The following PROX1 variants were observed in gnomAD, a reference collection of about 807,000 sequenced individuals.
The protein encoded by PROX1 is prospero homeobox protein 1.
In PROX1, 7 loss-of-function variants were observed where a neutral mutation model predicts 58.8. That is an observed-to-expected ratio of 0.12 (90% confidence interval 0.07 to 0.22). PROX1 has a LOEUF of 0.22. Ranked by LOEUF, PROX1 falls within the 10% of genes least tolerant of loss-of-function variation. PROX1 has a pLI of 1.00. For missense variants in PROX1, 675 were observed against 927.8 expected, an observed-to-expected ratio of 0.73 and a Z score of 3.54; for synonymous variants, 350 against 358.3, an observed-to-expected ratio of 0.98 and a Z score of 0.26.
intron 4 of PROX1, among the ~76,000 whole-genome samples, chr1:214,019,245 C>T (rs1664199119): frequency 6.6e-6 from 1 of 152,066 alleles, no homozygotes. Context: ...CCCCCCACCC[C>T]AAAACAGGCT....
intron 4 of PROX1, among the ~76,000 whole-genome samples, chr1:214,017,705 A>T (rs542622830): frequency 5.0e-4 from 76 of 152,114 alleles, no homozygotes; most frequent in African/African-American, 1.8e-3. Flanking sequence ...CAAATGATCT[A>T]TTGGCTCTCT....
At chr1:214,007,204 T>C (rs1558176675) in intron 3 of PROX1, among the ~76,000 whole-genome samples, 1 of 152,242 alleles carries the variant, frequency 6.6e-6, no homozygotes. Context: ...AAATAACCAC[T>C]GACTCTGTGT....
At chr1:213,993,279 A>G (rs1352995373) in intron 1 of PROX1, among the ~76,000 whole-genome samples, 1 of 152,198 alleles carries the variant, frequency 6.6e-6, no homozygotes, top group East Asian at 1.9e-4. Flanking sequence ...GCTGATTTGG[A>G]CATCCACCAG....
chr1:214,002,387 ATCTTT>A (rs1331413911), intron 2 of PROX1, among the ~76,000 whole-genome samples: 2 of 136,786 alleles, frequency 1.5e-5, no homozygotes, highest in African/African-American at 5.4e-5. Flanking sequence ...TGGATTTATC[ATCTTT>A]TCTTTTTTTT....
intron 2 of PROX1, 75 bp from the exon 3 acceptor site, chr1:214,005,090 G>A: frequency 8.7e-7 from 1 of 1,144,034 alleles, no homozygotes; most frequent in Non-Finnish European, 1.3e-6. Context: ...ACTCTATGGA[G>A]GTGGGGACTG....
At chr1:214,023,810 C>T (rs1236286563) in intron 4 of PROX1, among the ~76,000 whole-genome samples, 1 of 152,034 alleles carries the variant, frequency 6.6e-6, no homozygotes, top group African/African-American at 2.4e-5. Context: ...GAATATGGTG[C>T]TAAAAGTGAC....
At chr1:213,989,005 C>G (rs1662916823) in intron 1 of PROX1, among the ~76,000 whole-genome samples, 3 of 152,068 alleles carry the variant, frequency 2.0e-5, no homozygotes, top group Admixed American at 6.5e-5. Flanking sequence ...GCTAAAACTC[C>G]GGGGCCGGTC....
At chr1:214,031,502 A>G (rs969129849) in intron 4 of PROX1, among the ~76,000 whole-genome samples, 2 of 151,968 alleles carry the variant, frequency 1.3e-5, no homozygotes, top group East Asian at 3.9e-4. Context: ...CGCCCTCCCC[A>G]GCCGCCTGCA....
rs1388895525 is a variant in PROX1 at position 214,036,564 on chromosome 1, C to G, written c.*730C>G. On this transcript the variant is annotated 3_prime_UTR_variant, in exon 5 of 5. Transcript: ENST00000366958. ...TAGAAATTCATACCTGGTCTTGTAG[C>G]CACCTCTCTAAACTTGAAAATAGGT... 6.6e-6 allele frequency: 1 copy of G among 152,174 alleles called. No individual in the cohort carries two copies. The highest frequency in any genetic ancestry group is 1.5e-5 in the Non-Finnish European group (1 of 68,028). The allele number at this position is 152,174 out of a possible 1,614,324, so 9.4% of individuals were successfully genotyped here. A position where few individuals can be genotyped will look rare whatever the true frequency, so the allele number is the denominator to read the frequency against.
chr1:213,987,198 T>C (rs1662844710), upstream of PROX1, among the ~76,000 whole-genome samples: 1 of 152,200 alleles, frequency 6.6e-6, no homozygotes, highest in African/African-American at 2.4e-5. Context: ...TAATTTGGAC[T>C]GGAGATAAAC....
At position 214,008,734 on chromosome 1, in the gene PROX1, G is replaced by A. The variant is rs539612006; in HGVS notation, c.1834-2787G>A. On this transcript the variant is annotated intron_variant, in intron 3 of 4. Transcript: ENST00000366958. ...ATTCAGAGATGTTGGCATGGCGAGAGTTCTTCTTCTACAGGGGTGATGTAT... is the reference window on the plus strand; with the variant it reads ...ATTCAGAGATGTTGGCATGGCGAGAATTCTTCTTCTACAGGGGTGATGTAT... Among the ~76,000 whole-genome samples the A allele has an allele frequency of 1.8e-3, 272 of 152,304 alleles. 1 individual carries two copies. The highest frequency in any genetic ancestry group is 6.2e-3 in the African/African-American group (256 of 41,570).
intron 1 of PROX1, among the ~76,000 whole-genome samples, chr1:213,993,614 C>T (rs560956095): frequency 1.3e-5 from 2 of 152,226 alleles, no homozygotes; most frequent in African/African-American, 4.8e-5. Flanking sequence ...AGTGCTGTGT[C>T]AACCGGTTAT....
At chr1:214,027,200 TG>T (rs1211290571) in intron 4 of PROX1, among the ~76,000 whole-genome samples, 1 of 152,100 alleles carries the variant, frequency 6.6e-6, no homozygotes, top group East Asian at 1.9e-4. Flanking sequence ...AGCCTTTCCC[TG>T]GGTTTGCTTC....
chr1:214,021,722 T>A (rs1664286500), intron 4 of PROX1, among the ~76,000 whole-genome samples: 1 of 152,250 alleles, frequency 6.6e-6, no homozygotes, highest in African/African-American at 2.4e-5. Flanking sequence ...CTGGAATTCT[T>A]GAGTTGGATC....
In PROX1 at chr1:213,996,529, T is replaced by C. The variant is rs758924545; in HGVS notation, c.-7T>C. 1 of 1,608,594 alleles carries C rather than the reference T, an allele frequency of 6.2e-7. No individual in the cohort carries two copies. The highest frequency in any genetic ancestry group is 8.5e-7 in the Non-Finnish European group (1 of 1,176,492). On this transcript the variant is annotated 5_prime_UTR_variant, in exon 2 of 5. Transcript: ENST00000366958. ...GCTTTTGAAGATGGCACAATAACCG[T>C]CCAGTGATGCCTGACCATGACAGCA...
chr1:214,025,555 C>T (rs1233268878), intron 4 of PROX1, among the ~76,000 whole-genome samples: 1 of 152,156 alleles, frequency 6.6e-6, no homozygotes, highest in Non-Finnish European at 1.5e-5. Flanking sequence ...TTACCTGGCC[C>T]TTTACTGGCA....
intron 4 of PROX1, among the ~76,000 whole-genome samples, chr1:214,028,360 G>T (rs1441855082): frequency 6.8e-6 from 1 of 147,370 alleles, no homozygotes; most frequent in Non-Finnish European, 1.5e-5. Flanking sequence ...CTCTAAAGAT[G>T]ATTTTAAAAC....
At chr1:214,010,403 C>T (rs1031941038) in intron 3 of PROX1, among the ~76,000 whole-genome samples, 2 of 152,182 alleles carry the variant, frequency 1.3e-5, no homozygotes, top group Non-Finnish European at 1.5e-5. Flanking sequence ...AGCCCCAATA[C>T]ACACTTTAGC....
intron 4 of PROX1, among the ~76,000 whole-genome samples, chr1:214,016,136 G>A (rs1372050231): frequency 1.3e-5 from 2 of 151,970 alleles, no homozygotes; most frequent in Non-Finnish European, 2.9e-5. Context: ...GGGTACTTCC[G>A]CACACCTTTG....
Sources: allele counts gnomAD v4.1 joint callset (sites outside exome capture counted in the v4.1 genomes callset), GRCh38; gene constraint gnomAD v4.1.1; transcripts MANE v1.5; gene names NCBI Gene and HGNC (gene_info 2026-07-23, HGNC 2026-07-21).